LEMD2: variants seen among roughly 807,000 people sequenced by gnomAD.
The protein encoded by LEMD2 is LEM domain-containing protein 2.
A neutral mutation model predicts 58.8 loss-of-function variants in LEMD2; 34 were observed. The observed-to-expected ratio is 0.58, with a 90% CI of 0.44 to 0.77. LEMD2 has a LOEUF of 0.77. LEMD2 is among the 30% of genes least tolerant of loss of function. The pLI is 0.00. For missense variants in LEMD2, 629 were observed against 717.9 expected (o/e 0.88, Z 1.42); for synonymous variants, 298 against 308.9 (o/e 0.96, Z 0.37).
Position 33,772,785 on chromosome 6 carries a change from TGA to T in LEMD2, c.1362-9_1362-8del. On this transcript the variant is annotated splice_polypyrimidine_tract_variant and splice_region_variant and intron_variant, in intron 8 of 8. Transcript: ENST00000293760. ...GACACGCTTCATGCGCCTCCTGCAATGAGAGGGACGGGGCTCTGCCTGGCACT... is the reference window on the plus strand; with the variant it reads ...GACACGCTTCATGCGCCTCCTGCAATGAGGGACGGGGCTCTGCCTGGCACT... 1 of 1,612,398 alleles carries T rather than the reference TGA, an allele frequency of 6.2e-7. No homozygotes were observed. The highest frequency in any genetic ancestry group is 8.5e-7 in the Non-Finnish European group (1 of 1,179,300).
intron 3 of LEMD2, among the ~76,000 whole-genome samples, chr6:33,782,468 C>T (rs1304285538): frequency 6.6e-6 from 1 of 152,230 alleles, no homozygotes; most frequent in Non-Finnish European, 1.5e-5. Flanking sequence ...CTTCCCCTTC[C>T]TCCATGAAGG....
intron 3 of LEMD2, among the ~76,000 whole-genome samples, chr6:33,784,092 TGCAG>T (rs1293151341): frequency 6.6e-6 from 1 of 152,222 alleles, no homozygotes; most frequent in African/African-American, 2.4e-5. Flanking sequence ...GAAGAACAGC[TGCAG>T]GAAGGCCTGT....
rs115045622 is a variant in LEMD2 at position 33,773,746 on chromosome 6, G to A, written c.1362-968C>T. ...GGTGCTGGGTCCCTGAGCAGGAAGC[G>A]GCCAGTGTTGAGTGGGCAGTGTCTC... is the stretch of plus-strand genomic sequence containing the variant. On this transcript the variant is annotated intron_variant, in intron 8 of 8. Transcript: ENST00000293760. 5.8e-3 allele frequency among the ~76,000 whole-genome samples: 890 copies of A among 152,324 alleles called. 12 individuals carry two copies. Among genetic ancestry groups the A allele is most frequent in the African/African-American group, 0.02 (838 of 41,564 alleles).
At chr6:33,781,532 G>A (rs1312629451) in intron 3 of LEMD2, 1 of 194,974 alleles carries the variant, frequency 5.1e-6, no homozygotes, top group Non-Finnish European at 1.0e-5. Flanking sequence ...GGGCACCACG[G>A]GGATTCTGAC....
intron 3 of LEMD2, 152 bp from the exon 4 acceptor site, chr6:33,781,305 C>G: frequency 1.6e-6 from 1 of 612,596 alleles, no homozygotes; most frequent in Non-Finnish European, 2.9e-6. Context: ...CACTCTGCAG[C>G]AAGATCAAAA....
rs146493343 is a variant in LEMD2, at chr6:33,780,108, C to G, written c.1002G>C (p.Val334=). 383 of 1,590,250 alleles carry G rather than the reference C, an allele frequency of 2.4e-4. No individual in the cohort carries two copies. The highest frequency in any genetic ancestry group is 3.2e-4 in the Non-Finnish European group (370 of 1,167,048). ...ACCCTGCCCACACTCACCAGATGCCCACGTCCTTGTTACTGCTCAGTATCC... is the reference window on the plus strand; with the variant it reads ...ACCCTGCCCACACTCACCAGATGCCGACGTCCTTGTTACTGCTCAGTATCC... ...LTWILSSNKD[V]GIWLKGEDQS... is the part of the protein sequence containing the mutation. The change falls in exon 5 of 9, where the codon GTG becomes GTC. Residue 334 remains valine (V), a synonymous_variant. Coordinates refer to ENST00000293760, the MANE Select transcript of LEMD2 (RefSeq NM_181336.4).
rs547310597 is a variant in LEMD2, at chr6:33,779,346, G to A, written c.1010+754C>T. On this transcript the variant is annotated intron_variant, in intron 5 of 8. Transcript: ENST00000293760. ...AGGTGGAGCTGCCCGAGGGGCTTCT[G>A]CTGGATGCAGTGCTGATGGAATTAG... 9.9e-5 allele frequency: 15 copies of A among 151,930 alleles called. No homozygotes were observed. The East Asian group carries it at 2.7e-3, about 27-fold the overall frequency. The allele number at this position is 151,930 out of a possible 1,614,324, so 9.4% of individuals were successfully genotyped here.
intron 5 of LEMD2, 185 bp downstream of exon 5, chr6:33,779,915 C>T (rs1484086113): frequency 6.8e-6 from 4 of 587,294 alleles, no homozygotes; most frequent in African/African-American, 1.9e-5. Context: ...CTGCTCCTTA[C>T]ACTGCATTCC....
chr6:33,783,483 C>T (rs1767609279), intron 3 of LEMD2, among the ~76,000 whole-genome samples: 1 of 152,204 alleles, frequency 6.6e-6, no homozygotes, highest in Non-Finnish European at 1.5e-5. Flanking sequence ...AGGTAAGAGG[C>T]GCCTCTTGAA....
chr6:33,787,919 T>A (rs970364591), intron 1 of LEMD2, among the ~76,000 whole-genome samples: 3 of 152,162 alleles, frequency 2.0e-5, no homozygotes, highest in Non-Finnish European at 4.4e-5. Context: ...GAGTGGACTT[T>A]TTGGTGCTAC....
chr6:33,783,514 C>T (rs1767609912), intron 3 of LEMD2, among the ~76,000 whole-genome samples: 1 of 152,240 alleles, frequency 6.6e-6, no homozygotes. Flanking sequence ...GATAGAACTG[C>T]TCTGTCTGGT....
At chr6:33,779,073 G>A (rs1410518171) in intron 5 of LEMD2, 1 of 152,134 alleles carries the variant, frequency 6.6e-6, no homozygotes, top group Non-Finnish European at 1.5e-5. Flanking sequence ...GATTTCTCAG[G>A]ACCCACTTTC....
Position 33,788,585 on chromosome 6 carries a change from C to G in LEMD2, c.532G>C (p.Gly178Arg). The G allele has an allele frequency of 7.6e-7, 1 of 1,317,006 alleles. No individual in the cohort carries two copies. The highest frequency in any genetic ancestry group is 9.6e-7 in the Non-Finnish European group (1 of 1,037,090). 81.6% of individuals were successfully genotyped at this position (1,317,006 alleles called of 1,614,324 possible). ...CGCAGGCCCGGGCGCGGGTCGGGACCGAGGAGGGAGGAAGGCAGCCGCGCC... is the reference window on the plus strand; with the variant it reads ...CGCAGGCCCGGGCGCGGGTCGGGACGGAGGAGGGAGGAAGGCAGCCGCGCC... ...APARLPSSLL[G>R]PDPRPGLRAT... The change falls in exon 1 of 9, where the codon GGT (glycine) becomes CGT (arginine). Residue 178 changes from glycine (G) to arginine (R), a missense_variant. Around this residue, in one of 2 missense-constraint regions of LEMD2, gnomAD observed 386 missense variants for 381.1 expected, o/e 1.01. Coordinates refer to ENST00000293760, the MANE Select transcript of LEMD2 (RefSeq NM_181336.4).
intron 2 of LEMD2, 43 bp from the exon 3 acceptor site, chr6:33,784,470 G>GTGGGTGT: frequency 2.2e-6 from 1 of 457,098 alleles, no homozygotes; most frequent in Non-Finnish European, 4.4e-6. Context: ...AGGGGTGGGT[G>GTGGGTGT]GGAGGGGTCC....
chr6:33,780,747 A>G (rs746773653), intron 4 of LEMD2, among the ~76,000 whole-genome samples: 16 of 152,098 alleles, frequency 1.1e-4, no homozygotes, highest in African/African-American at 3.9e-4. Flanking sequence ...CATACGGGGG[A>G]GAAGGGACAG....
intron 8 of LEMD2, among the ~76,000 whole-genome samples, chr6:33,774,720 G>A (rs1043640466): frequency 1.3e-5 from 2 of 152,154 alleles, no homozygotes; most frequent in Non-Finnish European, 1.5e-5. Flanking sequence ...ATGAGCCACC[G>A]TGCCTGGCTA....
At chr6:33,776,823 CCA>C in intron 8 of LEMD2, 129 bp downstream of exon 8, 2 of 713,828 alleles carry the variant, frequency 2.8e-6, no homozygotes, top group Non-Finnish European at 4.9e-6. Flanking sequence ...GGGAGCAGAG[CCA>C]CTCTTGGCCC....
intron 1 of LEMD2, 58 bp downstream of exon 1, chr6:33,788,323 G>C: frequency 6.8e-7 from 1 of 1,478,430 alleles, no homozygotes; most frequent in African/African-American, 1.4e-5. Flanking sequence ...GGAACGGGGG[G>C]TCCTCCGGCG....
At chr6:33,775,233 C>T (rs1767401850) in intron 8 of LEMD2, among the ~76,000 whole-genome samples, 1 of 152,238 alleles carries the variant, frequency 6.6e-6, no homozygotes, top group Non-Finnish European at 1.5e-5. Flanking sequence ...TGTGAGTCTG[C>T]TCACTCTAAA....
Sources: gnomAD v4.1 joint callset for allele counts (sites outside exome capture counted in the v4.1 genomes callset) on GRCh38, gnomAD v4.1.1 for gene constraint, gnomAD v4.1.1 regional missense constraint, MANE v1.5 for transcripts, NCBI Gene and HGNC (gene_info 2026-07-23, HGNC 2026-07-21) for gene names.